Variants in FSTL5 observed in about 807,000 individuals in gnomAD.
The protein encoded by FSTL5 is follistatin-related protein 5.
Under a neutral mutation model 89.1 loss-of-function variants are expected in FSTL5, and 62 were observed. The ratio of observed to expected loss-of-function variants is 0.70; its 90% confidence interval spans 0.57 to 0.86. The LOEUF (loss-of-function observed/expected upper bound fraction) is 0.86. Among genes scored for constraint, FSTL5 ranks in the 40% least tolerant of loss-of-function variants. The pLI is 0.00. For missense variants in FSTL5, 1,057 were observed against 1,001.6 expected (o/e 1.06, Z -0.75); for synonymous variants, 383 against 346.2 (o/e 1.11, Z -1.18).
At chr4:162,147,868 G>A (rs1237336300) in intron 1 of FSTL5, among the ~76,000 whole-genome samples, 1 of 152,068 alleles carries the variant, frequency 6.6e-6, no homozygotes, top group East Asian at 1.9e-4. Context: ...AGCTGGGCGT[G>A]GTGGCAGGCA....
chr4:161,608,443 A>C (rs1734527949), intron 7 of FSTL5, among the ~76,000 whole-genome samples: 2 of 152,114 alleles, frequency 1.3e-5, no homozygotes, highest in South Asian at 4.1e-4. Flanking sequence ...TTGCTTCCAC[A>C]TGAAAGGATT....
chr4:161,905,133 C>T (rs1048577384), intron 4 of FSTL5, among the ~76,000 whole-genome samples: 2 of 151,878 alleles, frequency 1.3e-5, no homozygotes, highest in Non-Finnish European at 2.9e-5. Flanking sequence ...TAAAAACACA[C>T]TTTATACAAA....
intron 4 of FSTL5, among the ~76,000 whole-genome samples, chr4:161,853,750 C>G (rs1731634090): frequency 6.6e-6 from 1 of 152,076 alleles, no homozygotes; most frequent in African/African-American, 2.4e-5. Flanking sequence ...TTATCCTGAT[C>G]AGAAAAATAC....
intron 3 of FSTL5, among the ~76,000 whole-genome samples, chr4:161,998,254 A>G (rs557518905): frequency 6.6e-6 from 1 of 152,152 alleles, no homozygotes; most frequent in South Asian, 2.1e-4. Flanking sequence ...TTTTTATTGT[A>G]AATACTGTCT....
At chr4:161,845,755 A>G (rs1349704299) in intron 4 of FSTL5, among the ~76,000 whole-genome samples, 1 of 152,130 alleles carries the variant, frequency 6.6e-6, no homozygotes, top group Non-Finnish European at 1.5e-5. Context: ...ATCTGACGTC[A>G]AGAATTGTGA....
intron 2 of FSTL5, among the ~76,000 whole-genome samples, chr4:162,093,723 AGTTTT>A (rs1463808106): frequency 6.6e-6 from 1 of 152,212 alleles, no homozygotes; most frequent in Non-Finnish European, 1.5e-5. Context: ...CATTAAGAAA[AGTTTT>A]AACCACAAAC....
chr4:162,010,637 T>G (rs1483554), intron 3 of FSTL5, among the ~76,000 whole-genome samples: 1 of 152,360 alleles, frequency 6.6e-6, no homozygotes, highest in South Asian at 2.1e-4. Flanking sequence ...AACCACTGTT[T>G]AATGTTATGT....
chr4:161,450,183 C>T (rs1415087411), intron 15 of FSTL5, among the ~76,000 whole-genome samples: 1 of 152,188 alleles, frequency 6.6e-6, no homozygotes, highest in African/African-American at 2.4e-5. Context: ...TTAGCTTCTC[C>T]TCTTCTTTTC....
intron 15 of FSTL5, chr4:161,386,959 TTA>T (rs2110863796): frequency 6.4e-6 from 1 of 155,192 alleles, no homozygotes. Context: ...CTTTCAATGT[TTA>T]TATGTTATTT....
intron 11 of FSTL5, among the ~76,000 whole-genome samples, chr4:161,510,177 G>A (rs1010966262): frequency 6.6e-6 from 1 of 151,800 alleles, no homozygotes; most frequent in African/African-American, 2.4e-5. Context: ...TCAATATATC[G>A]CAATGACACT....
chr4:161,428,136 A>G lies in FSTL5; in HGVS notation c.1841+26868T>C, dbSNP rs1358044678. On this transcript the variant is annotated intron_variant, in intron 15 of 15. Transcript: ENST00000306100. Reference sequence around the variant, plus strand: ...ACTCAGTGCTGCTCTGTCAGAGCAGAAAGCAACATCAAGCAGAACTCACAT... The same window carrying G: ...ACTCAGTGCTGCTCTGTCAGAGCAGGAAGCAACATCAAGCAGAACTCACAT... Among the ~76,000 whole-genome samples, 3 of 152,086 alleles carry G rather than the reference A, an allele frequency of 2.0e-5. No individual in the cohort carries two copies. In the East Asian group the frequency reaches 5.8e-4, roughly 29 times the overall value.
chr4:161,671,272 C>T (rs1004835705), intron 6 of FSTL5, among the ~76,000 whole-genome samples: 1 of 152,122 alleles, frequency 6.6e-6, no homozygotes, highest in Non-Finnish European at 1.5e-5. Flanking sequence ...GCAAATGTTC[C>T]CATGGACCTA....
chr4:161,486,213 A>G (rs1360545287), intron 12 of FSTL5, among the ~76,000 whole-genome samples: 1 of 152,034 alleles, frequency 6.6e-6, no homozygotes, highest in Non-Finnish European at 1.5e-5. Flanking sequence ...GCATTCTGTA[A>G]TTTATGTGAA....
chr4:161,825,490 G>C (rs909065963), intron 4 of FSTL5, among the ~76,000 whole-genome samples: 2 of 152,126 alleles, frequency 1.3e-5, no homozygotes, highest in African/African-American at 2.4e-5. Context: ...TTGAGTGTCT[G>C]ATAGAATTCA....
intron 3 of FSTL5, among the ~76,000 whole-genome samples, chr4:161,982,458 T>C (rs1051005531): frequency 3.3e-5 from 5 of 152,204 alleles, no homozygotes; most frequent in Admixed American, 2.6e-4. Context: ...TAGTTACAGG[T>C]AAGGGAAACA....
At chr4:161,593,598 G>A (rs1733907219) in intron 7 of FSTL5, among the ~76,000 whole-genome samples, 1 of 151,892 alleles carries the variant, frequency 6.6e-6, no homozygotes, top group Non-Finnish European at 1.5e-5. Flanking sequence ...GGGAGGAAAG[G>A]GAGGCAAGGG....
rs1026348227 is a variant in FSTL5, at chr4:161,500,059, A to C, written c.1415T>G (p.Phe472Cys). 84 of 1,610,776 alleles carry C rather than the reference A, an allele frequency of 5.2e-5. No homozygotes were observed. The highest frequency in any genetic ancestry group is 7.0e-5 in the Non-Finnish European group (83 of 1,177,922). The change falls in exon 12 of 16, where the codon TTT (phenylalanine) becomes TGT (cysteine). Residue 472 changes from phenylalanine (F) to cysteine (C), a missense_variant. Phe to Cys is a radical substitution (Grantham distance 205, BLOSUM62 -2). This residue lies in a region of FSTL5 where 980 missense variants were observed against 903.2 expected (regional missense o/e 1.08). Coordinates refer to ENST00000306100, the MANE Select transcript of FSTL5 (RefSeq NM_020116.5). The part of the protein sequence containing the change: ...IKVIQPIECE[F>C]QRHIKPSEKL... ...TTCACTAGGCTTAATGTGCCTCTGA[A>C]ATTCACATTCTATGGGTTGTATCAC...
chr4:161,642,717 T>C (rs1311304931), intron 7 of FSTL5, among the ~76,000 whole-genome samples: 1 of 152,172 alleles, frequency 6.6e-6, no homozygotes, highest in Non-Finnish European at 1.5e-5. Flanking sequence ...AGAAATACTG[T>C]ATAATTTTAG....
At chr4:161,633,800 G>T (rs892772783) in intron 7 of FSTL5, among the ~76,000 whole-genome samples, 16 of 152,210 alleles carry the variant, frequency 1.1e-4, no homozygotes, top group African/African-American at 3.9e-4. Context: ...AAATGAGCAT[G>T]AGACAACAGT....
Sources: gnomAD v4.1 joint callset for allele counts (sites outside exome capture counted in the v4.1 genomes callset) on GRCh38, gnomAD v4.1.1 for gene constraint, gnomAD v4.1.1 regional missense constraint, MANE v1.5 for transcripts, NCBI Gene and HGNC (gene_info 2026-07-23, HGNC 2026-07-21) for gene names.